Variants in PLAGL1 observed in about 807,000 individuals in gnomAD.
PLAGL1 encodes PLAG1 like zinc finger 1.
Under a neutral mutation model 4.6 loss-of-function variants are expected in PLAGL1, and 1 was observed. That is an observed-to-expected ratio of 0.22 (90% CI 0.08 to 1.03). The LOEUF is 1.03. PLAGL1 is among the 50% of genes least tolerant of loss of function. PLAGL1 has a pLI of 0.58. For synonymous variants in PLAGL1, 240 were observed against 237.8 expected, an observed-to-expected ratio of 1.01 and a Z score of -0.08; for missense variants, 464 against 570.4, an observed-to-expected ratio of 0.81 and a Z score of 1.90.
chr6:144,038,417 C>T (rs1039414446), intron 1 of PLAGL1, among the ~76,000 whole-genome samples: 2 of 152,134 alleles, frequency 1.3e-5, no homozygotes, highest in Non-Finnish European at 2.9e-5. Flanking sequence ...GCCATCCTCC[C>T]TAATTTCAAA....
In PLAGL1 at chr6:143,975,169, A is replaced by G. The variant is rs953192457; in HGVS notation, c.-543-6191T>C. ...TATCTTTGAGTCTCATGCTGTTTCC[A>G]TTACACCAGCTACCATGTACTGGGG... is the stretch of plus-strand genomic sequence containing the variant. On this transcript the variant is annotated intron_variant, in intron 2 of 7. Coordinates refer to ENST00000674357, the MANE Select transcript of PLAGL1 (RefSeq NM_001317162.2). This position sits in a 1 kb window ranked among gnomAD's most constrained non-coding sequence, Gnocchi z 5.8. Among the ~76,000 whole-genome samples the G allele has an allele frequency of 1.3e-5, 2 of 152,172 alleles. No individual in the cohort carries two copies. The highest frequency in any genetic ancestry group is 4.8e-5 in the African/African-American group (2 of 41,452).
At chr6:144,020,742 G>A (rs757345491) in intron 1 of PLAGL1, among the ~76,000 whole-genome samples, 21 of 147,820 alleles carry the variant, frequency 1.4e-4, no homozygotes, top group Non-Finnish European at 2.5e-4. Flanking sequence ...CACTGCACCC[G>A]GCCACCACCC....
intron 3 of PLAGL1, chr6:143,967,852 C>G (rs1784695273): frequency 6.6e-6 from 1 of 152,006 alleles, no homozygotes; most frequent in African/African-American, 2.4e-5. Flanking sequence ...AGAAGTCAGT[C>G]TCAAGACAAA....
At position 143,963,054 on chromosome 6, in the gene PLAGL1, A is replaced by G. The variant is rs534725646; in HGVS notation, c.-399+1733T>C. The stretch of plus-strand genomic sequence containing the variant: ...TTCTTTGAAATGAAGCCTGAGTGGG[A>G]TATTCAGATTCACCTCCAGGCAATG... On this transcript the variant is annotated intron_variant, in intron 5 of 7. Coordinates refer to ENST00000674357, the MANE Select transcript of PLAGL1 (RefSeq NM_001317162.2). The surrounding 1 kb of genome is among the most constrained non-coding windows in gnomAD (Gnocchi z 6.1). Among the ~76,000 whole-genome samples, 54 of 152,072 alleles carry G rather than the reference A, an allele frequency of 3.6e-4. No individual in the cohort carries two copies. Among genetic ancestry groups the G allele is most frequent in the Non-Finnish European group, 2.8e-4 (19 of 67,982 alleles).
At chr6:143,987,748 G>A (rs1789542611) in intron 1 of PLAGL1, among the ~76,000 whole-genome samples, 1 of 151,938 alleles carries the variant, frequency 6.6e-6, no homozygotes, top group South Asian at 2.1e-4. Context: ...ACTTTTATAA[G>A]CATTATTATT....
chr6:143,990,565 C>T lies in PLAGL1; in HGVS notation c.-583-5391G>A, dbSNP rs76161579. On this transcript the variant is annotated intron_variant, in intron 1 of 7. Transcript: ENST00000674357. This position sits in a 1 kb window ranked among gnomAD's most constrained non-coding sequence, Gnocchi z 5.4. Reference sequence around the variant, plus strand: ...CCTCCCACTCACTTTCCAACCCATTCCCCAGGCTCTTATCTCTACCACTCT... The same window carrying T: ...CCTCCCACTCACTTTCCAACCCATTTCCCAGGCTCTTATCTCTACCACTCT... Among the ~76,000 whole-genome samples the T allele has an allele frequency of 9.6e-3, 1,463 of 152,286 alleles. 13 individuals carry two copies. The highest frequency in any genetic ancestry group is 0.023 in the Admixed American group (345 of 15,300).
rs1356966303 is a variant in PLAGL1, at chr6:143,958,244, C to T, written c.-325+2225G>A. On this transcript the variant is annotated intron_variant, in intron 6 of 7. Transcript: ENST00000674357. The surrounding 1 kb of genome is among the most constrained non-coding windows in gnomAD (Gnocchi z 5.1). ...TTACATATAATCACTTATCCCTCCCCCATGGGTAACTCAGTTACCTGGAGA... is the reference window on the plus strand; with the variant it reads ...TTACATATAATCACTTATCCCTCCCTCATGGGTAACTCAGTTACCTGGAGA... Among the ~76,000 whole-genome samples the T allele has an allele frequency of 1.3e-5, 2 of 152,192 alleles. No individual in the cohort carries two copies. The highest frequency in any genetic ancestry group is 2.9e-5 in the Non-Finnish European group (2 of 68,036).
At chr6:143,974,986 G>C (rs375838766) in intron 2 of PLAGL1, among the ~76,000 whole-genome samples, 3 of 152,144 alleles carry the variant, frequency 2.0e-5, no homozygotes, top group Admixed American at 2.0e-4. Context: ...AAAACACTGA[G>C]AAACATTATC....
chr6:144,058,277 C>G (rs1036347871), intron 1 of PLAGL1, among the ~76,000 whole-genome samples: 5 of 152,106 alleles, frequency 3.3e-5, no homozygotes, highest in African/African-American at 1.2e-4. Flanking sequence ...TTTAAACAAC[C>G]AGATCTTGGG....
At chr6:143,943,573 G>C (rs1467688546) in intron 7 of PLAGL1, among the ~76,000 whole-genome samples, 2 of 151,770 alleles carry the variant, frequency 1.3e-5, no homozygotes, top group African/African-American at 4.9e-5. Flanking sequence ...TTGACTATCA[G>C]CTCTTATCTC....
At position 143,996,613 on chromosome 6, in the gene PLAGL1, C is replaced by CTT. The variant is rs113499225; in HGVS notation, c.-583-11441_-583-11440dup. On this transcript the variant is annotated intron_variant, in intron 1 of 7. Transcript: ENST00000674357. ...GCAGGAGCAGAGTCTTATTTATTCC[C>CTT]TTTTTTTTTTTTTTTTTTCTGACTG... is the stretch of plus-strand genomic sequence containing the variant. Among the ~76,000 whole-genome samples, 160 of 133,604 alleles carry CTT rather than the reference C, an allele frequency of 1.2e-3. 2 individuals carry two copies. The highest frequency in any genetic ancestry group is 7.0e-3 in the East Asian group (32 of 4,600). 87.6% of individuals were successfully genotyped at this position (133,604 alleles called of 152,430 possible).
intron 1 of PLAGL1, among the ~76,000 whole-genome samples, chr6:144,054,788 T>A (rs865779570): frequency 1.6e-3 from 234 of 146,814 alleles, no homozygotes; most frequent in Non-Finnish European, 2.0e-3. Flanking sequence ...TGTGTGTGTG[T>A]GTGTGTGTGT....
In PLAGL1 at chr6:143,972,861, T is replaced by G. The variant is rs9403541; in HGVS notation, c.-543-3883A>C. Among the ~76,000 whole-genome samples the G allele has an allele frequency of 7.1e-4, 108 of 152,270 alleles. 1 individual carries two copies. The East Asian group carries it at 0.014, about 19-fold the overall frequency. Reference sequence around the variant, plus strand: ...TCTGTGTTTAAAAAAAGAGGGCGGGTGGAGAATCAACTTCTACTTAACATC... The same window carrying G: ...TCTGTGTTTAAAAAAAGAGGGCGGGGGGAGAATCAACTTCTACTTAACATC... On this transcript the variant is annotated intron_variant, in intron 2 of 7. Transcript: ENST00000674357. The surrounding 1 kb of genome is among the most constrained non-coding windows in gnomAD (Gnocchi z 6.8).
rs1428612744 is a variant in PLAGL1 at position 144,000,593 on chromosome 6, T to C, written c.-584+7497A>G. Among the ~76,000 whole-genome samples, 2 of 152,068 alleles carry C rather than the reference T, an allele frequency of 1.3e-5. No individual in the cohort carries two copies. Among genetic ancestry groups the C allele is most frequent in the Non-Finnish European group, 2.9e-5 (2 of 67,972 alleles). ...CATTCTTCTCATATTGATCTATAAATTCAAAGCCATTTCTATAAAAATCCC... is the reference window on the plus strand; with the variant it reads ...CATTCTTCTCATATTGATCTATAAACTCAAAGCCATTTCTATAAAAATCCC... On this transcript the variant is annotated intron_variant, in intron 1 of 7. Transcript: ENST00000674357. This position sits in a 1 kb window ranked among gnomAD's most constrained non-coding sequence, Gnocchi z 4.1.
In PLAGL1 at chr6:143,945,844, G is replaced by A. The variant is rs1470312311; in HGVS notation, c.152+2141C>T. ...CTATATCACTGCTTCAGGCAAGAGA[G>A]GCGAGAGGCAAGAAATGCTGGGGGC... On this transcript the variant is annotated intron_variant, in intron 7 of 7. Coordinates refer to ENST00000674357, the MANE Select transcript of PLAGL1 (RefSeq NM_001317162.2). This position sits in a 1 kb window ranked among gnomAD's most constrained non-coding sequence, Gnocchi z 4.2. 2.0e-5 allele frequency among the ~76,000 whole-genome samples: 3 copies of A among 152,152 alleles called. No homozygotes were observed. The highest frequency in any genetic ancestry group is 4.8e-5 in the African/African-American group (2 of 41,430).
intron 2 of PLAGL1, among the ~76,000 whole-genome samples, chr6:143,976,449 T>G (rs904734143): frequency 2.0e-5 from 3 of 152,044 alleles, no homozygotes; most frequent in Non-Finnish European, 4.4e-5. Flanking sequence ...AAGCCACTCT[T>G]GTTTGACTTA....
chr6:143,942,791 C>A lies in PLAGL1; in HGVS notation c.153-128G>T. Reference sequence around the variant, plus strand: ...CTTGGTATAATTTTCAAAATTCTTTCATATATTTTCCAAATATATAAACTT... The same window carrying A: ...CTTGGTATAATTTTCAAAATTCTTTAATATATTTTCCAAATATATAAACTT... On this transcript the variant is annotated intron_variant, in intron 7 of 7. Coordinates refer to ENST00000674357, the MANE Select transcript of PLAGL1 (RefSeq NM_001317162.2). The surrounding 1 kb of genome is among the most constrained non-coding windows in gnomAD (Gnocchi z 7.6). The A allele has an allele frequency of 3.1e-6, 2 of 643,096 alleles. No individual in the cohort carries two copies. The allele number at this position is 643,096 out of a possible 1,614,324, so 39.8% of individuals were successfully genotyped here.
chr6:143,941,960 G>T lies in PLAGL1; in HGVS notation c.856C>A (p.His286Asn), dbSNP rs774476162. Residue 286 changes from histidine to asparagine, a missense_variant, in exon 8 of 8, where the codon CAC becomes AAC. By Grantham distance (68) the His-to-Asn change is moderately conservative. Transcript: ENST00000674357. The surrounding 1 kb of genome is among the most constrained non-coding windows in gnomAD (Gnocchi z 6.0). ...GGAGAGCCAGGGGATACCGAGGGGT[G>T]GAGGGAGGCCAGGGACTCTGGCAGC... The part of the protein sequence containing the change: ...QPLPESLASL[H>N]PSVSPGSPPP... 2 of 1,600,648 alleles carry T rather than the reference G, an allele frequency of 1.2e-6. No homozygotes were observed. Among genetic ancestry groups the T allele is most frequent in the South Asian group, 1.1e-5 (1 of 88,904 alleles).
rs939496437 is a variant in PLAGL1, at chr6:143,979,150, T to C, written c.-544+5985A>G. Among the ~76,000 whole-genome samples, 1 of 152,182 alleles carries C rather than the reference T, an allele frequency of 6.6e-6. No individual in the cohort carries two copies. Among genetic ancestry groups the C allele is most frequent in the African/African-American group, 2.4e-5 (1 of 41,450 alleles). Reference sequence around the variant, plus strand: ...ATGATATTTTTTTCATCCGTTAGCTTATAATCTATTTGTGTCTTTACACAT... The same window carrying C: ...ATGATATTTTTTTCATCCGTTAGCTCATAATCTATTTGTGTCTTTACACAT... On this transcript the variant is annotated intron_variant, in intron 2 of 7. Transcript: ENST00000674357. This position sits in a 1 kb window ranked among gnomAD's most constrained non-coding sequence, Gnocchi z 4.6.
Sources: gnomAD v4.1 joint callset for allele counts (sites outside exome capture counted in the v4.1 genomes callset) on GRCh38, gnomAD v4.1.1 for gene constraint, Gnocchi (gnomAD v3.1) non-coding constraint, MANE v1.5 for transcripts, NCBI Gene and HGNC (gene_info 2026-07-23, HGNC 2026-07-21) for gene names.